MYH9: variants seen among roughly 807,000 people sequenced by gnomAD.
The protein encoded by MYH9 is myosin heavy chain 9.
MYH9 carries 29 observed loss-of-function variants against 241.9 expected under a neutral mutation model. The observed-to-expected ratio is 0.12, with a 90% CI of 0.09 to 0.16. The LOEUF is 0.16. Ranked by LOEUF, MYH9 falls within the 10% of genes least tolerant of loss-of-function variation. The pLI, the probability that MYH9 is intolerant of heterozygous loss-of-function variation, is 1.00. For synonymous variants in MYH9, 1,047 were observed against 1,062.6 expected (o/e 0.99, Z 0.29); for missense variants, 1,803 against 2,595.5 (o/e 0.69, Z 6.63).
intron 13 of MYH9, among the ~76,000 whole-genome samples, chr22:36,313,669 G>A (rs983098579): frequency 2.8e-4 from 11 of 39,256 alleles, no homozygotes; most frequent in Non-Finnish European, 1.4e-3. Flanking sequence ...TGGTTTTATG[G>A]GGGGGATGAG....
intron 34 of MYH9, chr22:36,287,050 TC>T: frequency 1.4e-6 from 1 of 691,984 alleles, no homozygotes; most frequent in Non-Finnish European, 2.4e-6. Flanking sequence ...TTGACAGTGT[TC>T]GTCACCGTGG....
chr22:36,357,055 C>T (rs2017867505), intron 1 of MYH9, among the ~76,000 whole-genome samples: 1 of 152,242 alleles, frequency 6.6e-6, no homozygotes, highest in African/African-American at 2.4e-5. Flanking sequence ...CTTAAATACA[C>T]ATAATGATGA....
chr22:36,352,949 C>A (rs1165699543), intron 1 of MYH9, among the ~76,000 whole-genome samples: 1 of 152,154 alleles, frequency 6.6e-6, no homozygotes, highest in Non-Finnish European at 1.5e-5. Flanking sequence ...ACGGGTTAGA[C>A]CGGCAGGGAG....
chr22:36,356,935 T>C (rs2017865933), intron 1 of MYH9, among the ~76,000 whole-genome samples: 1 of 152,256 alleles, frequency 6.6e-6, no homozygotes, highest in Non-Finnish European at 1.5e-5. Context: ...AGAAACTCCT[T>C]GCTGTGTGGC....
chr22:36,305,142 C>T lies in MYH9; in HGVS notation c.2160-40G>A, dbSNP rs759370682. The T allele has an allele frequency of 1.0e-5, 16 of 1,530,780 alleles. 1 individual carries two copies. The highest frequency in any genetic ancestry group is 1.4e-5 in the Non-Finnish European group (16 of 1,104,286). The allele number at this position is 1,530,780 out of a possible 1,614,324, so 94.8% of individuals were successfully genotyped here. A position where few individuals can be genotyped will look rare whatever the true frequency, so the allele number is the denominator to read the frequency against. The stretch of plus-strand genomic sequence containing the variant: ...AGAAGCCTGGTCATTTTACCCATTG[C>T]CTCGATTCCACATGCCTGGAATATA... On this transcript the variant is annotated intron_variant, in intron 17 of 40. Coordinates refer to ENST00000216181, the MANE Select transcript of MYH9 (RefSeq NM_002473.6). This position sits in a 1 kb window ranked among gnomAD's most constrained non-coding sequence, Gnocchi z 4.7.
At chr22:36,325,989 C>T (rs2017330160) in intron 5 of MYH9, among the ~76,000 whole-genome samples, 1 of 152,184 alleles carries the variant, frequency 6.6e-6, no homozygotes, top group Non-Finnish European at 1.5e-5. Context: ...AACACGCATT[C>T]CCAGTGCAGA....
rs752993016 is a variant in MYH9, at chr22:36,284,152, G to A, written c.5706C>T (p.Asp1902=). ...TCATGGCATCGGCCGTCTCAGTGGC[G>A]TCCTCCAGCTCGCGCTGCAGTTTCC... is the stretch of plus-strand genomic sequence containing the variant. ...SRRKLQRELE[D]ATETADAMNR... is the part of the protein sequence containing the mutation. The change falls in exon 40 of 41, where the codon GAC becomes GAT. Residue 1902 remains aspartate (D), a synonymous_variant. Transcript: ENST00000216181. 1.2e-5 allele frequency: 20 copies of A among 1,614,050 alleles called. No homozygotes were observed. The highest frequency in any genetic ancestry group is 6.7e-5 in the East Asian group (3 of 44,898).
At chr22:36,327,248 G>C (rs111302099) in intron 4 of MYH9, among the ~76,000 whole-genome samples, 4 of 152,152 alleles carry the variant, frequency 2.6e-5, no homozygotes, top group African/African-American at 9.7e-5. Context: ...GGCTCCTTGA[G>C]GAAGGATGAT....
At chr22:36,344,248 TGCTCCATTC>T (rs1460285777) in intron 2 of MYH9, among the ~76,000 whole-genome samples, 1 of 152,252 alleles carries the variant, frequency 6.6e-6, no homozygotes. Context: ...GACACGGCGC[TGCTCCATTC>T]ACAGGCCACA....
intron 1 of MYH9, among the ~76,000 whole-genome samples, chr22:36,352,166 G>C (rs1379827312): frequency 6.6e-6 from 1 of 152,192 alleles, no homozygotes; most frequent in East Asian, 1.9e-4. Flanking sequence ...CACTGGAGCT[G>C]GGCCCTAACT....
At chr22:36,331,026 G>A (rs1556639422) in intron 3 of MYH9, among the ~76,000 whole-genome samples, 1 of 152,170 alleles carries the variant, frequency 6.6e-6, no homozygotes, top group Non-Finnish European at 1.5e-5. Flanking sequence ...AAATTCCTGA[G>A]CAAGGGACAG....
At chr22:36,339,132 A>G (rs1045060223) in intron 3 of MYH9, among the ~76,000 whole-genome samples, 13 of 152,252 alleles carry the variant, frequency 8.5e-5, no homozygotes, top group African/African-American at 7.2e-5. Context: ...GGAGTCCCAC[A>G]GGTTAACTGA....
At chr22:36,324,919 G>A in intron 5 of MYH9, 1 of 614,176 alleles carries the variant, frequency 1.6e-6, no homozygotes, top group Non-Finnish European at 2.9e-6. Flanking sequence ...AACCCCAGAT[G>A]TAAGGCATAT....
chr22:36,358,887 A>G (rs1017287945), intron 1 of MYH9, among the ~76,000 whole-genome samples: 2 of 152,228 alleles, frequency 1.3e-5, no homozygotes, highest in African/African-American at 4.8e-5. Context: ...TCACCAGAAT[A>G]AAATCTGCAT....
At chr22:36,298,841 G>A in intron 24 of MYH9, 78 bp downstream of exon 24, 1 of 1,598,342 alleles carries the variant, frequency 6.3e-7, no homozygotes, top group Non-Finnish European at 8.5e-7. Context: ...CGGTGTTCCG[G>A]TCAGACAGGC....
rs1025545709 is a variant in MYH9 at position 36,355,591 on chromosome 22, C to T, written c.-19-6336G>A. Reference sequence around the variant, plus strand: ...AGTTCTAGGCTGGGAGTGTCCAAGTCATCACCTTCACCGTAAAGCTGCATA... The same window carrying T: ...AGTTCTAGGCTGGGAGTGTCCAAGTTATCACCTTCACCGTAAAGCTGCATA... On this transcript the variant is annotated intron_variant, in intron 1 of 40. Coordinates refer to ENST00000216181, the MANE Select transcript of MYH9 (RefSeq NM_002473.6). Among the ~76,000 whole-genome samples the T allele has an allele frequency of 3.9e-5, 6 of 152,194 alleles. No individual in the cohort carries two copies. The East Asian group carries it at 1.2e-3, about 29-fold the overall frequency.
intron 31 of MYH9, among the ~76,000 whole-genome samples, chr22:36,289,613 G>C (rs1224151231): frequency 6.6e-6 from 1 of 152,222 alleles, no homozygotes; most frequent in Non-Finnish European, 1.5e-5. Flanking sequence ...ACCTGTAAGA[G>C]CTTTGGTTCT....
chr22:36,355,395 T>TCTCC (rs966454543), intron 1 of MYH9, among the ~76,000 whole-genome samples: 2 of 152,196 alleles, frequency 1.3e-5, no homozygotes, highest in African/African-American at 2.4e-5. Flanking sequence ...CAGAGAATAC[T>TCTCC]CTCCCTCCCT....
At chr22:36,348,860 GA>G (rs1487190226) in intron 2 of MYH9, 43 bp downstream of exon 2, 2 of 1,199,250 alleles carry the variant, frequency 1.7e-6, no homozygotes, top group Admixed American at 2.1e-5. Context: ...CCCCACCTCG[GA>G]GCCCTCAGAC....
Sources: gnomAD v4.1 joint callset for allele counts (sites outside exome capture counted in the v4.1 genomes callset) on GRCh38, gnomAD v4.1.1 for gene constraint, Gnocchi (gnomAD v3.1) non-coding constraint, MANE v1.5 for transcripts, NCBI Gene and HGNC (gene_info 2026-07-23, HGNC 2026-07-21) for gene names.